PAK1: variants seen among roughly 807,000 people sequenced by gnomAD.
PAK1 encodes serine/threonine-protein kinase PAK 1.
Under a neutral mutation model 67.4 loss-of-function variants are expected in PAK1, and 29 were observed. The ratio of observed to expected loss-of-function variants is 0.43; its 90% CI spans 0.32 to 0.59. PAK1 has a LOEUF of 0.59. Ranked by LOEUF, PAK1 falls within the 20% of genes least tolerant of loss-of-function variation. The pLI is 0.07. For missense variants in PAK1, 337 were observed against 670.7 expected (o/e 0.50, Z 5.50); for synonymous variants, 223 against 237.4 (o/e 0.94, Z 0.56).
intron 1 of PAK1, among the ~76,000 whole-genome samples, chr11:77,418,235 A>C (rs1401688129): frequency 2.0e-5 from 3 of 152,222 alleles, no homozygotes; most frequent in African/African-American, 7.2e-5. Context: ...AAGTACTTTC[A>C]ATTTCTATGC....
At chr11:77,330,101 A>G (rs1941107125) in intron 14 of PAK1, among the ~76,000 whole-genome samples, 1 of 152,214 alleles carries the variant, frequency 6.6e-6, no homozygotes, top group African/African-American at 2.4e-5. Context: ...CTCTTCAAGG[A>G]GAACTACAAA....
At chr11:77,493,655 G>C in the PAK1 span, among the ~76,000 whole-genome samples, 1 of 151,800 alleles carries the variant, frequency 6.6e-6, no homozygotes, top group Admixed American at 6.6e-5. Context: ...AAGAGAAAAA[G>C]GACTCACCAC....
At chr11:77,490,471 C>T in the PAK1 span, among the ~76,000 whole-genome samples, 2 of 145,870 alleles carry the variant, frequency 1.4e-5, no homozygotes, top group Non-Finnish European at 3.0e-5. Context: ...GGGTCAGCCC[C>T]CCGCCCGGCC....
chr11:77,334,832 A>C (rs532401521), intron 13 of PAK1, among the ~76,000 whole-genome samples: 1 of 152,262 alleles, frequency 6.6e-6, no homozygotes, highest in Admixed American at 6.5e-5. Flanking sequence ...TTAAGAGAAA[A>C]AAAAACCTGT....
Position 77,324,776 on chromosome 11 carries a change from C to CACACAG in PAK1, c.1552-1417_1552-1416insCTGTGT, listed in dbSNP as rs1555136259. 2.6e-3 allele frequency among the ~76,000 whole-genome samples: 329 copies of CACACAG among 126,892 alleles called. 2 individuals are homozygous for CACACAG. Among genetic ancestry groups the CACACAG allele is most frequent in the Middle Eastern group, 7.4e-3 (2 of 270 alleles). 83.2% of individuals were successfully genotyped at this position (126,892 alleles called of 152,430 possible). A position where few individuals can be genotyped will look rare whatever the true frequency, so the allele number is the denominator to read the frequency against. ...ACACACACACACACACACACACACA[C>CACACAG]AGAGAGAGAGAGAGACAGAGAGAGA... On this transcript the variant is annotated intron_variant, in intron 14 of 14. Transcript: ENST00000356341.
chr11:77,349,063 T>A (rs966757128), intron 9 of PAK1, among the ~76,000 whole-genome samples, 176 bp downstream of exon 9: 12 of 147,276 alleles, frequency 8.1e-5, no homozygotes, highest in African/African-American at 3.0e-4. Context: ...AGGCGGAGGC[T>A]GCAGTGAGCA....
At chr11:77,407,634 G>A (rs539633098) in intron 1 of PAK1, among the ~76,000 whole-genome samples, 98 of 152,284 alleles carry the variant, frequency 6.4e-4, no homozygotes, top group Non-Finnish European at 7.9e-4. Flanking sequence ...AACCCTATGA[G>A]GTGTTAAATC....
At chr11:77,479,565 A>G (rs1308738776), upstream of PAK1, among the ~76,000 whole-genome samples, 1 of 148,350 alleles carries the variant, frequency 6.7e-6, no homozygotes, top group East Asian at 2.0e-4. Context: ...TGGAGCAGCT[A>G]TTCAGAAACC....
chr11:77,374,208 G>T, intron 5 of PAK1, 120 bp downstream of exon 5: 1 of 534,980 alleles, frequency 1.9e-6, no homozygotes, highest in Non-Finnish European at 3.3e-6. Context: ...GAATTCTGAG[G>T]CCAAGGGTGC....
chr11:77,470,334 C>A lies in PAK1; in HGVS notation c.-22+3218G>T, dbSNP rs573668671. On this transcript the variant is annotated intron_variant, in intron 1 of 14. Coordinates refer to ENST00000356341, the MANE Select transcript of PAK1 (RefSeq NM_002576.5). ...AAATAGAAAGGCAGCTTTCTCCCCC[C>A]CTTTATGATCATATACCACCTTTTT... 3.0e-4 allele frequency among the ~76,000 whole-genome samples: 45 copies of A among 152,294 alleles called. No homozygotes were observed. In the South Asian group the frequency reaches 6.4e-3, roughly 22 times the overall value.
Position 77,355,821 on chromosome 11 carries a change from C to G in PAK1, c.619G>C (p.Glu207Gln). The G allele has an allele frequency of 6.2e-7, 1 of 1,613,536 alleles. No individual in the cohort carries two copies. The highest frequency in any genetic ancestry group is 8.5e-7 in the Non-Finnish European group (1 of 1,179,662). ...CGAGTTGGAGTGACAGGAAGTGGTTCAATCACAGACCGTGTGTATACCTGC... is the reference window on the plus strand; with the variant it reads ...CGAGTTGGAGTGACAGGAAGTGGTTGAATCACAGACCGTGTGTATACCTGC... ...TKSVYTRSVI[E>Q]PLPVTPTRDV... The change falls in exon 7 of 15, where the codon GAA becomes CAA. Residue 207 changes from glutamate (E) to glutamine (Q), a missense_variant. By Grantham distance (29) the Glu-to-Gln change is conservative (BLOSUM62 2). Coordinates refer to ENST00000356341, the MANE Select transcript of PAK1 (RefSeq NM_002576.5).
In PAK1 at chr11:77,449,326, G is replaced by A. The variant is rs116881276; in HGVS notation, c.-22+24226C>T. On this transcript the variant is annotated intron_variant, in intron 1 of 14. Transcript: ENST00000356341. ...ACGACTTTAAAGGAAACTAGGCAGT[G>A]CGCTTAAAGAGAAAAGGGCAATGGG... 4.0e-4 allele frequency among the ~76,000 whole-genome samples: 61 copies of A among 152,346 alleles called. 1 individual carries two copies. The East Asian group carries it at 0.012, about 29-fold the overall frequency.
At chr11:77,459,694 T>TCTTG (rs1565718040) in intron 1 of PAK1, among the ~76,000 whole-genome samples, 9 of 148,620 alleles carry the variant, frequency 6.1e-5, no homozygotes, top group Middle Eastern at 3.5e-3. Context: ...CTTCTTCTTT[T>TCTTG]TTTTTTTTTT....
At chr11:77,437,255 T>C (rs1175102450) in intron 1 of PAK1, among the ~76,000 whole-genome samples, 5 of 152,186 alleles carry the variant, frequency 3.3e-5, no homozygotes, top group South Asian at 2.1e-4. Flanking sequence ...AGATAACATA[T>C]AGGTCAGGTA....
chr11:77,402,737 A>G (rs1435733868), intron 1 of PAK1, among the ~76,000 whole-genome samples: 2 of 152,152 alleles, frequency 1.3e-5, no homozygotes, highest in Non-Finnish European at 2.9e-5. Flanking sequence ...CTGATTTCCC[A>G]CATTGCCACA....
At chr11:77,432,878 T>G (rs1320933209) in intron 1 of PAK1, among the ~76,000 whole-genome samples, 2 of 145,052 alleles carry the variant, frequency 1.4e-5, no homozygotes, top group Non-Finnish European at 3.0e-5. Context: ...AAAACAGAAG[T>G]GTAAAACTTG....
intron 6 of PAK1, 71 bp from the exon 7 acceptor site, chr11:77,355,913 G>C: frequency 1.1e-6 from 1 of 928,820 alleles, no homozygotes; most frequent in Non-Finnish European, 1.7e-6. Flanking sequence ...CTAGATGTGA[G>C]GTTAGAACAT....
chr11:77,494,690 C>A, the PAK1 span, among the ~76,000 whole-genome samples: 1 of 151,200 alleles, frequency 6.6e-6, no homozygotes, highest in Non-Finnish European at 1.5e-5. Context: ...ATGATACAGA[C>A]ACCATGGAAA....
chr11:77,508,736 T>C, the PAK1 span, among the ~76,000 whole-genome samples: 1 of 148,588 alleles, frequency 6.7e-6, no homozygotes, highest in African/African-American at 2.5e-5. Flanking sequence ...CTTGGCTCAC[T>C]GCAAGCTCCG....
Sources: allele counts gnomAD v4.1 joint callset (sites outside exome capture counted in the v4.1 genomes callset), GRCh38; gene constraint gnomAD v4.1.1; transcripts MANE v1.5; gene names NCBI Gene and HGNC (gene_info 2026-07-23, HGNC 2026-07-21).